The following SWAP70 variants were observed in gnomAD, a reference collection of about 807,000 sequenced individuals.
The protein encoded by SWAP70 is switching B cell complex subunit SWAP70.
In SWAP70, 34 loss-of-function variants were observed where a neutral mutation model predicts 80.2. The ratio of observed to expected loss-of-function variants is 0.42; its 90% CI spans 0.32 to 0.56. The LOEUF (loss-of-function observed/expected upper bound fraction) is 0.56, where lower values mean the gene tolerates loss of function less well. Among genes scored for constraint, SWAP70 ranks in the 20% least tolerant of loss-of-function variants. The pLI is 0.09. For missense variants in SWAP70, 578 were observed against 690.7 expected (o/e 0.84, Z 1.83); for synonymous variants, 239 against 238.5 (o/e 1.00, Z -0.02).
At chr11:9,730,592 T>C (rs1432893177) in intron 6 of SWAP70, among the ~76,000 whole-genome samples, 1 of 152,172 alleles carries the variant, frequency 6.6e-6, no homozygotes, top group Non-Finnish European at 1.5e-5. Context: ...AATTTTCCCT[T>C]TTAAGGACTG....
At chr11:9,740,132 T>C in intron 8 of SWAP70, 49 bp from the exon 9 acceptor site, 8 of 1,579,688 alleles carry the variant, frequency 5.1e-6, no homozygotes, top group Non-Finnish European at 6.9e-6. Flanking sequence ...AGGCTTTCCC[T>C]GAGAAAGAAG....
intron 2 of SWAP70, among the ~76,000 whole-genome samples, chr11:9,696,683 C>T (rs1850762421): frequency 6.6e-6 from 1 of 152,102 alleles, no homozygotes; most frequent in Non-Finnish European, 1.5e-5. Context: ...ATATTAGTGT[C>T]ATCTTTCCAT....
chr11:9,700,242 C>T (rs921026833), intron 2 of SWAP70, among the ~76,000 whole-genome samples: 17 of 151,946 alleles, frequency 1.1e-4, no homozygotes, highest in Non-Finnish European at 5.9e-5. Flanking sequence ...AACTTATTCA[C>T]GGAGGGAATG....
At chr11:9,713,292 C>T (rs549846896) in intron 2 of SWAP70, among the ~76,000 whole-genome samples, 174 bp from the exon 3 acceptor site, 3 of 152,176 alleles carry the variant, frequency 2.0e-5, no homozygotes, top group Admixed American at 2.0e-4. Context: ...AATGTAACAT[C>T]TTAATTGAGC....
intron 9 of SWAP70, chr11:9,740,552 T>C (rs1039598532): frequency 1.7e-6 from 1 of 598,170 alleles, no homozygotes; most frequent in African/African-American, 1.9e-5. Context: ...GGGAAACCCT[T>C]GCTTCTGGGG....
At chr11:9,694,102 G>C in intron 1 of SWAP70, 44 bp from the exon 2 acceptor site, 7 of 1,536,804 alleles carry the variant, frequency 4.6e-6, no homozygotes, top group Non-Finnish European at 6.1e-6. Flanking sequence ...GGTGTCATGT[G>C]CTGGTTAGTG....
At chr11:9,675,439 CA>C in intron 1 of SWAP70, among the ~76,000 whole-genome samples, 1 of 96,890 alleles carries the variant, frequency 1.0e-5, no homozygotes, top group South Asian at 3.1e-4. Context: ...GAGGGAGGGA[CA>C]GAGGGAGGGA....
At chr11:9,736,092 T>C (rs535955968) in intron 7 of SWAP70, among the ~76,000 whole-genome samples, 2 of 152,300 alleles carry the variant, frequency 1.3e-5, no homozygotes, top group African/African-American at 4.8e-5. Flanking sequence ...TCTATAGATC[T>C]GTCTTTAGTA....
chr11:9,722,127 G>A (rs1851146037), intron 3 of SWAP70, among the ~76,000 whole-genome samples: 1 of 152,196 alleles, frequency 6.6e-6, no homozygotes, highest in Non-Finnish European at 1.5e-5. Flanking sequence ...CATTAGTGGA[G>A]TACCTACTAT....
At position 9,676,714 on chromosome 11, in the gene SWAP70, A is replaced by G. The variant is rs1454396018; in HGVS notation, c.99+12436A>G. On this transcript the variant is annotated intron_variant, in intron 1 of 11. Transcript: ENST00000318950. The stretch of plus-strand genomic sequence containing the variant: ...GCCCAGGCTGGAGTGCAGTGGCGCA[A>G]TCTCGGCTTACTGCAAGCTCCGCCT... Among the ~76,000 whole-genome samples the G allele has an allele frequency of 2.6e-5, 4 of 151,046 alleles. No individual in the cohort carries two copies. In the South Asian group the frequency reaches 8.4e-4, roughly 32 times the overall value.
At chr11:9,691,666 G>A (rs1850699312) in intron 1 of SWAP70, among the ~76,000 whole-genome samples, 1 of 152,166 alleles carries the variant, frequency 6.6e-6, no homozygotes, top group Admixed American at 6.5e-5. Context: ...CTGGACCAGA[G>A]ATTACAAAAC....
intron 1 of SWAP70, among the ~76,000 whole-genome samples, chr11:9,682,684 TA>T (rs1230548241): frequency 6.6e-6 from 1 of 152,132 alleles, no homozygotes; most frequent in Non-Finnish European, 1.5e-5. Context: ...TTTTTATTTT[TA>T]TTTTTTTTTG....
intron 2 of SWAP70, 61 bp from the exon 3 acceptor site, chr11:9,713,405 T>A: frequency 6.7e-7 from 1 of 1,482,802 alleles, no homozygotes; most frequent in Non-Finnish European, 9.0e-7. Context: ...TCTATTTTAC[T>A]TGCCTTAGAT....
chr11:9,691,361 A>G (rs1850695745), intron 1 of SWAP70, among the ~76,000 whole-genome samples: 1 of 152,212 alleles, frequency 6.6e-6, no homozygotes, highest in Non-Finnish European at 1.5e-5. Flanking sequence ...TCCAACTCTC[A>G]TTTGACAGTG....
At chr11:9,748,078 A>C in intron 10 of SWAP70, 22 bp downstream of exon 10, 1 of 1,602,692 alleles carries the variant, frequency 6.2e-7, no homozygotes, top group South Asian at 1.1e-5. Flanking sequence ...TGGCCCTGCA[A>C]ACTTGTATAT....
intron 9 of SWAP70, chr11:9,740,636 T>A: frequency 2.4e-6 from 1 of 421,822 alleles, no homozygotes; most frequent in East Asian, 5.1e-5. Flanking sequence ...TTCGAGAAAA[T>A]CCACAAACCC....
chr11:9,675,373 GAGAGAGAGAGAGAGAGAGAGAGA>G (rs1850481529), intron 1 of SWAP70, among the ~76,000 whole-genome samples: 1 of 56,556 alleles, frequency 1.8e-5, no homozygotes, highest in Non-Finnish European at 4.3e-5. Flanking sequence ...GAGAGAGAGA[GAGAGAGAGAGAGAGAGAGAGAGA>G]GAGAGAGAGA....
At position 9,665,283 on chromosome 11, in the gene SWAP70, A is replaced by G. The variant is rs181763689; in HGVS notation, c.99+1005A>G. Among the ~76,000 whole-genome samples, 21 of 152,328 alleles carry G rather than the reference A, an allele frequency of 1.4e-4. No individual in the cohort carries two copies. The East Asian group carries it at 4.0e-3, about 29-fold the overall frequency. ...TCTTCTGAGTAGTGGCTTTTATGCC[A>G]GTAGGACTTAACATTCTCCTTGTCT... On this transcript the variant is annotated intron_variant, in intron 1 of 11. Transcript: ENST00000318950.
chr11:9,744,231 G>A (rs141497847), intron 9 of SWAP70, among the ~76,000 whole-genome samples: 7,728 of 152,132 alleles, frequency 0.051, 256 homozygotes, highest in Non-Finnish European at 0.069. Flanking sequence ...CAAAGTGCTG[G>A]GATTACAGGC....
Sources: gnomAD v4.1 joint callset for allele counts (sites outside exome capture counted in the v4.1 genomes callset) on GRCh38, gnomAD v4.1.1 for gene constraint, MANE v1.5 for transcripts, NCBI Gene and HGNC (gene_info 2026-07-23, HGNC 2026-07-21) for gene names.